Variants in FCHO2 observed in about 807,000 individuals in gnomAD.
The protein encoded by FCHO2 is F-BAR domain only protein 2.
A neutral mutation model predicts 114.1 loss-of-function variants in FCHO2; 43 were observed. That is an observed-to-expected ratio of 0.38 (90% CI 0.30 to 0.49). The LOEUF (loss-of-function observed/expected upper bound fraction) is 0.49, where lower values mean the gene tolerates loss of function less well. Among genes scored for constraint, FCHO2 ranks in the 20% least tolerant of loss-of-function variants. The pLI is 0.97. For synonymous variants in FCHO2, 293 were observed against 315.2 expected (o/e 0.93, Z 0.75); for missense variants, 807 against 950.4 (o/e 0.85, Z 1.98).
chr5:73,056,104 A>C lies in FCHO2; in HGVS notation c.1250A>C (p.Asn417Thr). 1 of 1,527,508 alleles carries C rather than the reference A, an allele frequency of 6.5e-7. No homozygotes were observed. The highest frequency in any genetic ancestry group is 8.8e-7 in the Non-Finnish European group (1 of 1,138,686). 94.6% of individuals were successfully genotyped at this position (1,527,508 alleles called of 1,614,324 possible). Reference sequence around the variant, plus strand: ...AAATCAAAGCCATCTGCTCCACCCAATGAGTAAGTTTCCATGTTTAATTTT... The same window carrying C: ...AAATCAAAGCCATCTGCTCCACCCACTGAGTAAGTTTCCATGTTTAATTTT... ...LTKSKPSAPP[N>T]EKGTSDLLAW... Residue 417 changes from asparagine to threonine, a missense_variant, in exon 16 of 26, where the codon AAT becomes ACT. Transcript: ENST00000430046.
chr5:72,995,081 T>C (rs1318388701), intron 5 of FCHO2, among the ~76,000 whole-genome samples: 1 of 152,112 alleles, frequency 6.6e-6, no homozygotes, highest in Non-Finnish European at 1.5e-5. Flanking sequence ...TTTACCTATA[T>C]AAGAAACCTT....
chr5:73,083,892 CA>C (rs765390330), intron 24 of FCHO2, among the ~76,000 whole-genome samples: 28,046 of 79,234 alleles, frequency 0.35, 2,311 homozygotes, highest in East Asian at 0.48. Context: ...GACTCTGTCT[CA>C]AAAAAAAAAA....
intron 21 of FCHO2, 44 bp from the exon 22 acceptor site, chr5:73,078,136 A>C (rs1456760761): frequency 7.1e-7 from 1 of 1,399,802 alleles, no homozygotes; most frequent in Non-Finnish European, 9.4e-7. Flanking sequence ...GCAAAACATA[A>C]AGATAAGTCA....
intron 5 of FCHO2, among the ~76,000 whole-genome samples, chr5:73,001,291 G>A (rs1428936313): frequency 1.3e-5 from 2 of 151,474 alleles, no homozygotes; most frequent in East Asian, 3.9e-4. Context: ...TCCGGCCCAG[G>A]CCTACAACAG....
rs144120846 is a variant in FCHO2 at position 72,996,104 on chromosome 5, G to A, written c.495+5240G>A. On this transcript the variant is annotated intron_variant, in intron 5 of 25. Transcript: ENST00000430046. The stretch of plus-strand genomic sequence containing the variant: ...CTAAAAAGACAAAAATTAGCCGGGC[G>A]TGGTAGCGGGCGCTTGTAATCCCAG... Among the ~76,000 whole-genome samples the A allele has an allele frequency of 3.0e-4, 46 of 152,162 alleles. 1 individual carries two copies. Among genetic ancestry groups the A allele is most frequent in the Admixed American group, 2.3e-3 (35 of 15,266 alleles).
intron 24 of FCHO2, among the ~76,000 whole-genome samples, chr5:73,085,997 C>T (rs1219628661): frequency 6.6e-6 from 1 of 151,564 alleles, no homozygotes; most frequent in Non-Finnish European, 1.5e-5. Context: ...TGGTGTGCGC[C>T]TGTAATCCCA....
At chr5:73,064,552 A>C (rs1363133416) in intron 18 of FCHO2, among the ~76,000 whole-genome samples, 2 of 152,034 alleles carry the variant, frequency 1.3e-5, no homozygotes, top group African/African-American at 4.8e-5. Flanking sequence ...ACCAGAATTA[A>C]ATTTCTAAGT....
chr5:73,041,250 A>G (rs376720160), intron 10 of FCHO2, 41 bp from the exon 11 acceptor site: 14 of 1,321,906 alleles, frequency 1.1e-5, no homozygotes, highest in African/African-American at 8.7e-5. Context: ...ATTAGCAGAC[A>G]ATTCTAATTA....
At chr5:73,030,045 G>GTTT (rs113431803) in intron 8 of FCHO2, among the ~76,000 whole-genome samples, 72 of 135,254 alleles carry the variant, frequency 5.3e-4, no homozygotes, top group East Asian at 1.3e-3. Context: ...CTTTCTTTTT[G>GTTT]TTTTTTTTTT....
At chr5:73,061,173 C>T (rs868540047) in intron 17 of FCHO2, among the ~76,000 whole-genome samples, 34 of 152,114 alleles carry the variant, frequency 2.2e-4, no homozygotes, top group Middle Eastern at 3.4e-3. Context: ...TGTTGCTTTG[C>T]CACCTTGTCG....
At chr5:73,026,850 C>T (rs1171627870) in intron 8 of FCHO2, among the ~76,000 whole-genome samples, 6 of 151,966 alleles carry the variant, frequency 3.9e-5, no homozygotes, top group Non-Finnish European at 7.4e-5. Flanking sequence ...CATCACCATA[C>T]CTGGCTAATT....
chr5:73,041,579 T>C (rs1033670708), intron 11 of FCHO2, among the ~76,000 whole-genome samples: 2 of 152,114 alleles, frequency 1.3e-5, no homozygotes, highest in African/African-American at 2.4e-5. Flanking sequence ...CATTCTGTTT[T>C]TTTCTTGGGA....
chr5:73,000,394 C>T (rs965540366), intron 5 of FCHO2, among the ~76,000 whole-genome samples: 13 of 148,940 alleles, frequency 8.7e-5, no homozygotes, highest in Admixed American at 2.0e-4. Flanking sequence ...TCTCTTGAAC[C>T]GGGGAGGTGG....
At chr5:73,044,707 GT>G (rs1461771591) in intron 11 of FCHO2, among the ~76,000 whole-genome samples, 31 of 145,564 alleles carry the variant, frequency 2.1e-4, no homozygotes, top group African/African-American at 7.1e-4. Context: ...TTTTTTTTTG[GT>G]TTTGGCCTAT....
At chr5:73,047,895 G>A (rs1347014432) in intron 11 of FCHO2, among the ~76,000 whole-genome samples, 1 of 152,002 alleles carries the variant, frequency 6.6e-6, no homozygotes, top group African/African-American at 2.4e-5. Flanking sequence ...GGAGTGCACT[G>A]GCACCATCTG....
intron 1 of FCHO2, among the ~76,000 whole-genome samples, chr5:72,958,196 C>T (rs1297175461): frequency 6.6e-6 from 1 of 151,936 alleles, no homozygotes. Context: ...TTGGTGAAGT[C>T]CATCTTATCT....
intron 8 of FCHO2, among the ~76,000 whole-genome samples, chr5:73,026,242 C>T (rs1248933860): frequency 6.6e-6 from 1 of 152,100 alleles, no homozygotes; most frequent in Non-Finnish European, 1.5e-5. Context: ...GGGTGGATCA[C>T]CTGGAACACC....
intron 6 of FCHO2, among the ~76,000 whole-genome samples, chr5:73,014,589 A>G (rs929050025): frequency 1.3e-5 from 2 of 152,034 alleles, no homozygotes; most frequent in Admixed American, 6.6e-5. Flanking sequence ...TGCCCGGTGT[A>G]TATTATTATT....
At chr5:73,048,870 CTTTTTTTTTTT>C (rs764057424) in intron 11 of FCHO2, among the ~76,000 whole-genome samples, 15 of 105,454 alleles carry the variant, frequency 1.4e-4, no homozygotes, top group Admixed American at 7.8e-4. Flanking sequence ...AATTTGCTAT[CTTTTTTTTTTT>C]TTTTTTTTTT....
Sources: allele counts gnomAD v4.1 joint callset (sites outside exome capture counted in the v4.1 genomes callset), GRCh38; gene constraint gnomAD v4.1.1; transcripts MANE v1.5; gene names NCBI Gene and HGNC (gene_info 2026-07-23, HGNC 2026-07-21).